Variants in RARB observed in about 807,000 individuals in gnomAD.
RARB encodes the protein HBV-activated protein.
A neutral mutation model predicts 51.9 loss-of-function variants in RARB; 17 were observed. The ratio of observed to expected loss-of-function variants is 0.33; its 90% CI spans 0.22 to 0.49. The LOEUF is 0.49. Among genes scored for constraint, RARB ranks in the 20% least tolerant of loss-of-function variants. The pLI is 0.99. For synonymous variants in RARB, 215 were observed against 195.4 expected (o/e 1.10, Z -0.84); for missense variants, 369 against 550.8 (o/e 0.67, Z 3.30).
chr3:24,869,333 G>A (rs1219853420), intron 2 of RARB, among the ~76,000 whole-genome samples: 2 of 152,094 alleles, frequency 1.3e-5, no homozygotes, highest in Non-Finnish European at 2.9e-5. Context: ...AGTACAATCA[G>A]CATATTTCTA....
At chr3:24,992,831 C>G (rs1303197850) in intron 2 of RARB, among the ~76,000 whole-genome samples, 1 of 152,154 alleles carries the variant, frequency 6.6e-6, no homozygotes, top group African/African-American at 2.4e-5. Flanking sequence ...CAAATATAGT[C>G]ACATTTTGAA....
chr3:25,210,763 G>T (rs144724671), intron 5 of RARB, among the ~76,000 whole-genome samples: 1 of 151,736 alleles, frequency 6.6e-6, no homozygotes, highest in African/African-American at 2.4e-5. Flanking sequence ...TCGAACTCCT[G>T]ACCTCAAGTG....
At chr3:25,380,084 A>G (rs1706580229) in intron 5 of RARB, among the ~76,000 whole-genome samples, 1 of 152,204 alleles carries the variant, frequency 6.6e-6, no homozygotes, top group Non-Finnish European at 1.5e-5. Context: ...ATACCATTTT[A>G]AAACCCAAGA....
At chr3:24,829,894 G>A (rs538850286) in intron 1 of RARB, among the ~76,000 whole-genome samples, 9 of 152,340 alleles carry the variant, frequency 5.9e-5, no homozygotes, top group Admixed American at 4.6e-4. Context: ...GGGAGCAGAG[G>A]TTCTCGCTCC....
intron 2 of RARB, among the ~76,000 whole-genome samples, chr3:24,992,041 T>TC (rs1696923909): frequency 6.6e-6 from 1 of 152,100 alleles, no homozygotes; most frequent in Non-Finnish European, 1.5e-5. Flanking sequence ...ACCAGGGCAC[T>TC]CCCCACGTGG....
intron 1 of RARB, among the ~76,000 whole-genome samples, chr3:24,849,959 A>G (rs146346948): frequency 1.8e-3 from 267 of 152,366 alleles, no homozygotes; most frequent in African/African-American, 6.1e-3. Context: ...AACAATTAAT[A>G]GTGGAGACTG....
chr3:25,510,223 C>A (rs1174040120), intron 3 of RARB, among the ~76,000 whole-genome samples: 1 of 152,240 alleles, frequency 6.6e-6, no homozygotes, highest in Non-Finnish European at 1.5e-5. Context: ...TAATTCCCAG[C>A]ATCCTTTCAA....
rs528944884 is a variant in RARB, at chr3:25,402,873, G to A, written c.179-58320G>A. ...TGGGTACAAAAAATGTAGCTAGAAA[G>A]AATGAATAAAGCCAAGCGTGGTGGC... On this transcript the variant is annotated intron_variant, in intron 5 of 11. Coordinates refer to the RARB transcript ENST00000383772. Among the ~76,000 whole-genome samples, 5 of 152,064 alleles carry A rather than the reference G, an allele frequency of 3.3e-5. No homozygotes were observed. The South Asian group carries it at 8.3e-4, about 25-fold the overall frequency.
chr3:25,427,428 C>T (rs1708025546), upstream of RARB, among the ~76,000 whole-genome samples: 1 of 152,196 alleles, frequency 6.6e-6, no homozygotes. Context: ...CCAGAACACA[C>T]AGCTGGTAAG....
rs542553363 is a variant in RARB at position 24,952,402 on chromosome 3, G to T, written c.-380+93650G>T. Among the ~76,000 whole-genome samples, 10 of 152,098 alleles carry T rather than the reference G, an allele frequency of 6.6e-5. No individual in the cohort carries two copies. The South Asian group carries it at 2.1e-3, about 32-fold the overall frequency. ...TATCTGAGATTTTAAACTTGTTTTT[G>T]ACCCTCTCAAAAATTCTTTTCTAGG... is the stretch of plus-strand genomic sequence containing the variant. On this transcript the variant is annotated intron_variant, in intron 2 of 11. Coordinates refer to the RARB transcript ENST00000383772.
Position 25,461,236 on chromosome 3 carries a change from C to T in RARB, c.201C>T (p.Ser67=), listed in dbSNP as rs149883315. ...QSTSSEELVP[S]PPSPLPPPRV... ...CCAGCTCTGAGGAACTCGTCCCAAG[C>T]CCCCCATCTCCACTTCCTCCCCCTC... Residue 67 remains serine, a synonymous_variant, in exon 2 of 8, where the codon AGC becomes AGT. Transcript: ENST00000330688. 35 of 1,613,730 alleles carry T rather than the reference C, an allele frequency of 2.2e-5. No individual in the cohort carries two copies. The highest frequency in any genetic ancestry group is 6.7e-5 in the African/African-American group (5 of 74,880).
At chr3:24,949,741 CA>C (rs1298526163) in intron 2 of RARB, among the ~76,000 whole-genome samples, 1 of 152,196 alleles carries the variant, frequency 6.6e-6, no homozygotes, top group African/African-American at 2.4e-5. Context: ...CATTACGCTA[CA>C]GTCTCTGAGA....
At chr3:25,442,476 C>T (rs1708743131) in intron 1 of RARB, among the ~76,000 whole-genome samples, 1 of 152,180 alleles carries the variant, frequency 6.6e-6, no homozygotes, top group Admixed American at 6.5e-5. Context: ...AATAGCCACA[C>T]ATGGCTAGTG....
At chr3:25,126,647 T>G (rs1246806384) in intron 3 of RARB, among the ~76,000 whole-genome samples, 1 of 152,184 alleles carries the variant, frequency 6.6e-6, no homozygotes, top group Non-Finnish European at 1.5e-5. Context: ...GATGCAGTGC[T>G]GCTGGCCCCA....
At chr3:24,919,818 C>A (rs1253189478) in intron 2 of RARB, among the ~76,000 whole-genome samples, 2 of 152,178 alleles carry the variant, frequency 1.3e-5, no homozygotes, top group African/African-American at 4.8e-5. Flanking sequence ...CTGTCTCTAG[C>A]AGTTTCCTCT....
chr3:25,522,995 G>A (rs573324754), intron 3 of RARB, among the ~76,000 whole-genome samples: 20 of 152,284 alleles, frequency 1.3e-4, no homozygotes, highest in African/African-American at 2.4e-4. Context: ...ACAAGGGCTC[G>A]TATTTGACAC....
chr3:25,583,140 A>G (rs886805880), intron 5 of RARB, among the ~76,000 whole-genome samples: 1 of 152,144 alleles, frequency 6.6e-6, no homozygotes, highest in South Asian at 2.1e-4. Flanking sequence ...ATACCAGACA[A>G]AGTTCGAAGG....
At chr3:25,505,928 G>GATA (rs1273147140) in intron 3 of RARB, among the ~76,000 whole-genome samples, 1 of 152,160 alleles carries the variant, frequency 6.6e-6, no homozygotes, top group East Asian at 1.9e-4. Context: ...TTACGGTATA[G>GATA]ATAATAGCTA....
At chr3:25,591,502 A>G (rs1701613626) in intron 5 of RARB, among the ~76,000 whole-genome samples, 1 of 152,202 alleles carries the variant, frequency 6.6e-6, no homozygotes, top group Admixed American at 6.5e-5. Flanking sequence ...CTGTGGAGCA[A>G]TGGTTAAAAC....
Sources: gnomAD v4.1 joint callset for allele counts (sites outside exome capture counted in the v4.1 genomes callset) on GRCh38, gnomAD v4.1.1 for gene constraint, MANE v1.5 for transcripts, NCBI Gene and HGNC (gene_info 2026-07-23, HGNC 2026-07-21) for gene names.